Variants in IQCB1 observed in about 807,000 individuals in gnomAD.
IQCB1 encodes IQ motif containing B1, also known as IQ calmodulin-binding motif-containing protein 1.
IQCB1 carries 56 observed loss-of-function variants against 84.4 expected under a neutral mutation model. That is an observed-to-expected ratio of 0.66 (90% CI 0.54 to 0.83). The LOEUF (loss-of-function observed/expected upper bound fraction) is 0.83. Among genes scored for constraint, IQCB1 ranks in the 40% least tolerant of loss-of-function variants. The probability of loss-of-function intolerance (pLI) is 0.00; values close to 1 mark genes in which losing one functional copy is unlikely to be tolerated. For synonymous variants in IQCB1, 210 were observed against 234.8 expected (o/e 0.89, Z 0.96); for missense variants, 629 against 682.1 (o/e 0.92, Z 0.87).
chr3:121,794,103 A>G (rs943926502), intron 10 of IQCB1, among the ~76,000 whole-genome samples: 3 of 152,096 alleles, frequency 2.0e-5, no homozygotes, highest in Admixed American at 1.3e-4. Flanking sequence ...AAAGTACTCA[A>G]TATTTCCCAA....
intron 7 of IQCB1, among the ~76,000 whole-genome samples, chr3:121,801,358 T>TA (rs1162087954): frequency 1.3e-5 from 2 of 152,066 alleles, no homozygotes; most frequent in Non-Finnish European, 2.9e-5. Context: ...TTTATATAGA[T>TA]ACTTACTTTT....
At chr3:121,772,736 C>T in intron 13 of IQCB1, 23 bp from the exon 14 acceptor site, 2 of 1,613,562 alleles carry the variant, frequency 1.2e-6, no homozygotes, top group South Asian at 1.1e-5. Context: ...GACAGAAAAA[C>T]CTGTCACAGA....
intron 10 of IQCB1, among the ~76,000 whole-genome samples, chr3:121,794,202 G>C (rs1388016800): frequency 6.6e-6 from 1 of 151,822 alleles, no homozygotes; most frequent in Non-Finnish European, 1.5e-5. Context: ...GATAATACTT[G>C]CTTCTCATTA....
rs1949715480 is a variant in IQCB1, at chr3:121,808,923, A to C, written c.480T>G (p.Ile160Met). Reference protein sequence around the residue: ...FWLLGGHVELIQNVLQSDHFL... With the variant: ...FWLLGGHVELMQNVLQSDHFL... ...TAAAATCTTTTCTCTTACCATTCTG[A>C]ATAAGTTCAACATGGCCTCCCAAAA... Residue 160 changes from isoleucine (I) to methionine (M), a missense_variant, in exon 6 of 15, where the codon ATT (isoleucine) becomes ATG (methionine). Ile to Met is a conservative substitution (Grantham distance 10). Coordinates refer to ENST00000310864, the MANE Select transcript of IQCB1 (RefSeq NM_001023570.4). 1 of 1,591,100 alleles carries C rather than the reference A, an allele frequency of 6.3e-7. No individual in the cohort carries two copies. The highest frequency in any genetic ancestry group is 2.2e-5 in the East Asian group (1 of 44,676).
intron 5 of IQCB1, among the ~76,000 whole-genome samples, chr3:121,824,586 C>A (rs1950395243): frequency 6.7e-6 from 1 of 149,048 alleles, no homozygotes. Context: ...AATATCATTT[C>A]ATGTGACCTG....
At chr3:121,778,899 CAA>C (rs35667822) in intron 13 of IQCB1, among the ~76,000 whole-genome samples, 108 of 115,224 alleles carry the variant, frequency 9.4e-4, no homozygotes, top group South Asian at 4.7e-3. Context: ...AACTCTGTCT[CAA>C]AAAAAAAAAA....
chr3:121,784,634 A>C (rs915688630), intron 12 of IQCB1, among the ~76,000 whole-genome samples: 3 of 152,170 alleles, frequency 2.0e-5, no homozygotes, highest in Admixed American at 1.3e-4. Flanking sequence ...GCTGATATTT[A>C]AGAGTGGGCA....
chr3:121,776,454 C>A (rs6768507), intron 13 of IQCB1, among the ~76,000 whole-genome samples: 151,708 of 152,356 alleles, frequency 1, 75,535 homozygotes, highest in East Asian at 1. Flanking sequence ...TAGTTGTACT[C>A]TTTTACATTC....
chr3:121,808,775 T>C (rs1328997648), intron 6 of IQCB1, 141 bp downstream of exon 6: 1 of 597,086 alleles, frequency 1.7e-6, no homozygotes, highest in East Asian at 2.9e-5. Context: ...TTTAAAAAAT[T>C]GTGAGCTTAT....
intron 5 of IQCB1, among the ~76,000 whole-genome samples, chr3:121,814,805 A>G (rs1167368809): frequency 1.3e-5 from 2 of 152,196 alleles, no homozygotes; most frequent in African/African-American, 4.8e-5. Context: ...GACCAGACGG[A>G]TTCACAGCTG....
intron 4 of IQCB1, 38 bp downstream of exon 4, chr3:121,828,432 C>G: frequency 2.6e-6 from 4 of 1,564,778 alleles, no homozygotes; most frequent in Non-Finnish European, 3.5e-6. Flanking sequence ...TCAACTACTA[C>G]ATCCCTCAAG....
chr3:121,801,893 A>T (rs937596175), intron 7 of IQCB1, among the ~76,000 whole-genome samples: 1 of 139,504 alleles, frequency 7.2e-6, no homozygotes, highest in East Asian at 2.1e-4. Context: ...TACTGATATG[A>T]TGGTATGTTT....
chr3:121,801,244 A>T (rs1322886359), intron 7 of IQCB1, among the ~76,000 whole-genome samples: 1 of 151,974 alleles, frequency 6.6e-6, no homozygotes, highest in East Asian at 1.9e-4. Context: ...TCTAGTCCCA[A>T]TCTCTTCCAG....
At chr3:121,807,278 T>C (rs955443502) in intron 7 of IQCB1, 66 bp downstream of exon 7, 5 of 735,596 alleles carry the variant, frequency 6.8e-6, no homozygotes, top group Non-Finnish European at 1.2e-5. Context: ...TTTAGCAAAA[T>C]TGGAATAAAA....
At chr3:121,823,022 A>G (rs1172229253) in intron 5 of IQCB1, among the ~76,000 whole-genome samples, 4 of 152,344 alleles carry the variant, frequency 2.6e-5, no homozygotes, top group Admixed American at 1.3e-4. Context: ...CAACTTAAAA[A>G]TAACTATAAT....
chr3:121,784,544 G>A (rs1330935390), intron 12 of IQCB1, among the ~76,000 whole-genome samples: 1 of 152,042 alleles, frequency 6.6e-6, no homozygotes, highest in Non-Finnish European at 1.5e-5. Flanking sequence ...TACCTGCAAT[G>A]TTTGTATTCT....
chr3:121,773,851 A>G (rs1410333123), intron 13 of IQCB1, among the ~76,000 whole-genome samples: 2 of 152,040 alleles, frequency 1.3e-5, no homozygotes, highest in Non-Finnish European at 2.9e-5. Flanking sequence ...TTTGGTGATG[A>G]TTTCTTCATA....
At chr3:121,796,034 T>C (rs1227966870) in intron 9 of IQCB1, among the ~76,000 whole-genome samples, 1 of 152,120 alleles carries the variant, frequency 6.6e-6, no homozygotes, top group East Asian at 1.9e-4. Context: ...TCTGAGTTCT[T>C]GACTGAATTC....
intron 2 of IQCB1, among the ~76,000 whole-genome samples, chr3:121,831,339 A>AT (rs56750862): frequency 6.6e-6 from 1 of 151,702 alleles, no homozygotes; most frequent in East Asian, 1.9e-4. Context: ...CGCTCGGCTA[A>AT]TTTTTTGTAT....
Sources: gnomAD v4.1 joint callset for allele counts (sites outside exome capture counted in the v4.1 genomes callset) on GRCh38, gnomAD v4.1.1 for gene constraint, MANE v1.5 for transcripts, NCBI Gene and HGNC (gene_info 2026-07-23, HGNC 2026-07-21) for gene names.